The following STK17B variants were observed in gnomAD, a reference collection of about 807,000 sequenced individuals.
The protein encoded by STK17B is serine/threonine kinase 17b, also known as serine/threonine-protein kinase 17B.
A neutral mutation model predicts 42.0 loss-of-function variants in STK17B; 21 were observed. That is an observed-to-expected ratio of 0.50 (90% CI 0.35 to 0.72). The LOEUF is 0.72. Among genes scored for constraint, STK17B ranks in the 30% least tolerant of loss-of-function variants. The pLI is 0.00. For missense variants in STK17B, 349 were observed against 446.0 expected, an observed-to-expected ratio of 0.78 and a Z score of 1.96; for synonymous variants, 143 against 148.4, an observed-to-expected ratio of 0.96 and a Z score of 0.26.
chr2:196,133,704 A>C lies in STK17B; in HGVS notation c.*3743T>G, dbSNP rs1158433303. On this transcript the variant is annotated 3_prime_UTR_variant, in exon 8 of 8. Transcript: ENST00000263955. ...TTAGAAATGCTTTGAAACAAATGAC[A>C]ACCACAGATATAAAAAAGTGCTTTT... 1 of 152,234 alleles carries C rather than the reference A, an allele frequency of 6.6e-6. No individual in the cohort carries two copies. The highest frequency in any genetic ancestry group is 6.5e-5 in the Admixed American group (1 of 15,288). 9.4% of individuals were successfully genotyped at this position (152,234 alleles called of 1,614,324 possible).
chr2:196,144,672 A>T (rs1699546217), intron 4 of STK17B, among the ~76,000 whole-genome samples: 1 of 152,116 alleles, frequency 6.6e-6, no homozygotes, highest in Admixed American at 6.5e-5. Context: ...TTTAGCTTAG[A>T]CAATAAGAGG....
rs769747241 is a variant in STK17B, at chr2:196,137,431, G to T, written c.*16C>A. On this transcript the variant is annotated 3_prime_UTR_variant, in exon 8 of 8. Transcript: ENST00000263955. ...AAAATTTCAAATTCAGTCCAAATGA[G>T]TCAAAGAAAAAAGTGCTAACAGAGC... 6.2e-7 allele frequency: 1 copy of T among 1,607,132 alleles called. No individual in the cohort carries two copies. The highest frequency in any genetic ancestry group is 1.7e-4 in the Middle Eastern group (1 of 6,002).
rs927107213 is a variant in STK17B at position 196,135,148 on chromosome 2, C to A, written c.*2299G>T. 18 of 152,072 alleles carry A rather than the reference C, an allele frequency of 1.2e-4. No individual in the cohort carries two copies. The highest frequency in any genetic ancestry group is 5.2e-4 in the Admixed American group (8 of 15,266). The allele number at this position is 152,072 out of a possible 1,614,324, so 9.4% of individuals were successfully genotyped here. A position where few individuals can be genotyped will look rare whatever the true frequency, so the allele number is the denominator to read the frequency against. The stretch of plus-strand genomic sequence containing the variant: ...GTAAAAATGTCTTTTAACAAATGAA[C>A]TTATAATTTAAAATTCAAATATTTC... On this transcript the variant is annotated 3_prime_UTR_variant, in exon 8 of 8. Coordinates refer to ENST00000263955, the MANE Select transcript of STK17B (RefSeq NM_004226.4).
In STK17B at chr2:196,134,682, G is replaced by A. The variant is rs1699371326; in HGVS notation, c.*2765C>T. The A allele has an allele frequency of 6.6e-6, 1 of 152,160 alleles. No homozygotes were observed. The highest frequency in any genetic ancestry group is 6.5e-5 in the Admixed American group (1 of 15,272). The allele number at this position is 152,160 out of a possible 1,614,324, so 9.4% of individuals were successfully genotyped here. On this transcript the variant is annotated 3_prime_UTR_variant, in exon 8 of 8. Transcript: ENST00000263955. ...AATAATTAAAATGACAATTGCAATT[G>A]TCATCTATATATCATCTATTTAAAA...
Position 196,163,305 on chromosome 2 carries a change from T to A in STK17B, c.79A>T (p.Asn27Tyr). 1 of 1,607,180 alleles carries A rather than the reference T, an allele frequency of 6.2e-7. No individual in the cohort carries two copies. The change falls in exon 2 of 8, where the codon AAC (asparagine) becomes TAC (tyrosine). Residue 27 changes from asparagine (N) to tyrosine (Y), a missense_variant. Transcript: ENST00000263955. ...GTAAGTATATAGAAATTATTAAAGT[T>A]TTCCATTTTTATTGGAATTTGAGGA... ...TTPQIPIKME[N>Y]FNNFYILTSK...
At chr2:196,168,414 C>T (rs1042690601) in intron 1 of STK17B, among the ~76,000 whole-genome samples, 3 of 152,154 alleles carry the variant, frequency 2.0e-5, no homozygotes, top group African/African-American at 4.8e-5. Flanking sequence ...ACTCACAAGA[C>T]GGAAAATTGG....
intron 3 of STK17B, among the ~76,000 whole-genome samples, chr2:196,150,179 T>TAAAAAAAAAAAAAAA (rs143244008): frequency 1.5e-4 from 17 of 113,506 alleles, no homozygotes; most frequent in African/African-American, 3.1e-4. Context: ...GAGCAGTGAC[T>TAAAAAAAAAAAAAAA]AAAAAAAAAA....
intron 6 of STK17B, 35 bp downstream of exon 6, chr2:196,141,214 C>T: frequency 1.3e-6 from 2 of 1,551,904 alleles, no homozygotes; most frequent in Non-Finnish European, 1.8e-6. Context: ...CCCAACTTTC[C>T]ATAAAGATGT....
At chr2:196,157,600 C>T (rs917534224) in intron 2 of STK17B, among the ~76,000 whole-genome samples, 1 of 152,028 alleles carries the variant, frequency 6.6e-6, no homozygotes, top group South Asian at 2.1e-4. Flanking sequence ...GTATATGTGT[C>T]CTACAGAAAA....
intron 1 of STK17B, among the ~76,000 whole-genome samples, 190 bp from the exon 2 acceptor site, chr2:196,163,617 G>A (rs1468920048): frequency 6.6e-6 from 1 of 151,744 alleles, no homozygotes; most frequent in Non-Finnish European, 1.5e-5. Flanking sequence ...GCACTTGAAC[G>A]AAGTTACTGA....
intron 1 of STK17B, among the ~76,000 whole-genome samples, chr2:196,168,682 G>C (rs992714532): frequency 1.3e-5 from 2 of 152,162 alleles, no homozygotes; most frequent in Non-Finnish European, 2.9e-5. Context: ...ACTGAAGTTT[G>C]AGGTTAAATG....
intron 1 of STK17B, 22 bp from the exon 2 acceptor site, chr2:196,163,449 AGAG>A (rs998671605): frequency 1.3e-6 from 2 of 1,512,398 alleles, no homozygotes; most frequent in Non-Finnish European, 1.8e-6. Flanking sequence ...AAGAGAATAC[AGAG>A]AAAAGATGTT....
intron 2 of STK17B, among the ~76,000 whole-genome samples, chr2:196,162,417 T>C (rs951290966): frequency 1.0e-4 from 15 of 148,606 alleles, no homozygotes; most frequent in East Asian, 1.9e-4. Flanking sequence ...TCTTCTTCTT[T>C]TTTTTTTTTT....
intron 3 of STK17B, among the ~76,000 whole-genome samples, chr2:196,147,131 A>G (rs1352724567): frequency 2.6e-5 from 4 of 152,230 alleles, no homozygotes; most frequent in African/African-American, 7.2e-5. Context: ...TCTAAATAAG[A>G]TAAAATTAGA....
At chr2:196,154,255 A>G (rs1699708615) in intron 3 of STK17B, 1 of 152,132 alleles carries the variant, frequency 6.6e-6, no homozygotes, top group African/African-American at 2.4e-5. Context: ...CAACAACAAC[A>G]ACAACAAAAG....
Position 196,135,307 on chromosome 2 carries a change from T to C in STK17B, c.*2140A>G, listed in dbSNP as rs1193945217. The C allele has an allele frequency of 1.3e-5, 2 of 152,140 alleles. No homozygotes were observed. Among genetic ancestry groups the C allele is most frequent in the East Asian group, 3.8e-4 (2 of 5,200 alleles). 9.4% of individuals were successfully genotyped at this position (152,140 alleles called of 1,614,324 possible). A position where few individuals can be genotyped will look rare whatever the true frequency, so the allele number is the denominator to read the frequency against. On this transcript the variant is annotated 3_prime_UTR_variant, in exon 8 of 8. Coordinates refer to ENST00000263955, the MANE Select transcript of STK17B (RefSeq NM_004226.4). ...TATCTTAATACCAAAGGCAAGTAAA[T>C]GGACAATCAACAATTTAGAAACAAC...
At chr2:196,151,417 G>C (rs4850383) in intron 3 of STK17B, 89,268 of 152,048 alleles carry the variant, frequency 0.59, 26,975 homozygotes, top group East Asian at 0.9. Flanking sequence ...ATTTTTAGTA[G>C]AGATGGGGTT....
At chr2:196,144,061 G>T (rs1362590928) in intron 4 of STK17B, among the ~76,000 whole-genome samples, 1 of 151,656 alleles carries the variant, frequency 6.6e-6, no homozygotes, top group African/African-American at 2.4e-5. Context: ...TGGGTAGCTG[G>T]GTACGGTGGT....
chr2:196,149,489 C>T (rs926772898), intron 3 of STK17B, among the ~76,000 whole-genome samples: 1 of 152,136 alleles, frequency 6.6e-6, no homozygotes, highest in Non-Finnish European at 1.5e-5. Flanking sequence ...AATGAGCCAA[C>T]AAACATTAAT....
Sources: allele counts gnomAD v4.1 joint callset (sites outside exome capture counted in the v4.1 genomes callset), GRCh38; gene constraint gnomAD v4.1.1; transcripts MANE v1.5; gene names NCBI Gene and HGNC (gene_info 2026-07-23, HGNC 2026-07-21).